TMEM9: variants seen among roughly 807,000 people sequenced by gnomAD.
TMEM9 encodes transmembrane protein 9.
Under a neutral mutation model 22.8 loss-of-function variants are expected in TMEM9, and 13 were observed. The ratio of observed to expected loss-of-function variants is 0.57; its 90% CI spans 0.37 to 0.91. The LOEUF is 0.91. Among genes scored for constraint, TMEM9 ranks in the 40% least tolerant of loss-of-function variants. The pLI is 0.01. For missense variants in TMEM9, 182 were observed against 238.1 expected (o/e 0.76, Z 1.55); for synonymous variants, 88 against 93.0 (o/e 0.95, Z 0.31).
chr1:201,137,645 G>A (rs1474379285), intron 4 of TMEM9, among the ~76,000 whole-genome samples: 3 of 152,138 alleles, frequency 2.0e-5, no homozygotes, highest in Non-Finnish European at 2.9e-5. Flanking sequence ...CTAATGGCTT[G>A]CTTGAAATAC....
intron 1 of TMEM9, among the ~76,000 whole-genome samples, chr1:201,171,290 C>A (rs1157117221): frequency 6.6e-6 from 1 of 152,154 alleles, no homozygotes; most frequent in Non-Finnish European, 1.5e-5. Flanking sequence ...TCGTGGAAAG[C>A]CCGCTGGGAC....
At chr1:201,155,737 G>A (rs1665772531), upstream of TMEM9, among the ~76,000 whole-genome samples, 1 of 152,138 alleles carries the variant, frequency 6.6e-6, no homozygotes, top group Non-Finnish European at 1.5e-5. Context: ...TTAGGACACC[G>A]CCTTTGGATC....
upstream of TMEM9, among the ~76,000 whole-genome samples, chr1:201,159,214 G>A (rs1041714193): frequency 4.6e-5 from 7 of 152,312 alleles, no homozygotes; most frequent in East Asian, 1.9e-4. Flanking sequence ...ACAAAGGAGC[G>A]CTTGACCCAC....
At chr1:201,169,516 G>A (rs1308340819) in intron 1 of TMEM9, among the ~76,000 whole-genome samples, 1 of 152,102 alleles carries the variant, frequency 6.6e-6, no homozygotes, top group African/African-American at 2.4e-5. Context: ...TGGCCAGTAT[G>A]GTGTATGGTA....
At chr1:201,135,941 T>C in intron 4 of TMEM9, 126 bp from the exon 5 acceptor site, 2 of 963,708 alleles carry the variant, frequency 2.1e-6, no homozygotes. Context: ...AGGCTGGGCC[T>C]CCCCAAGTGC....
At chr1:201,156,817 A>G (rs56284103), upstream of TMEM9, among the ~76,000 whole-genome samples, 5,232 of 152,312 alleles carry the variant, frequency 0.034, 180 homozygotes, top group African/African-American at 0.079. Context: ...CTGTGAGCCA[A>G]ACTCCAGGGC....
chr1:201,149,925 C>T (rs1372252827), intron 2 of TMEM9, among the ~76,000 whole-genome samples: 1 of 152,216 alleles, frequency 6.6e-6, no homozygotes, highest in Non-Finnish European at 1.5e-5. Flanking sequence ...CCTCAGTTTA[C>T]ACCCACCACC....
intron 4 of TMEM9, among the ~76,000 whole-genome samples, chr1:201,139,769 T>C (rs1316700342): frequency 6.6e-6 from 1 of 152,238 alleles, no homozygotes; most frequent in Non-Finnish European, 1.5e-5. Flanking sequence ...AAAGCTTCCA[T>C]ACACACGATC....
intron 4 of TMEM9, among the ~76,000 whole-genome samples, chr1:201,139,055 C>A (rs1664266646): frequency 6.6e-6 from 1 of 152,220 alleles, no homozygotes; most frequent in Admixed American, 6.5e-5. Context: ...TGTGGATAAG[C>A]CCCAGCTGAT....
Position 201,151,817 on chromosome 1 carries a change from T to C in TMEM9, c.102A>G (p.Pro34=). The change falls in exon 2 of 5, where the codon CCA becomes CCG. Residue 34 remains proline, a synonymous_variant. Coordinates refer to ENST00000367330, the MANE Select transcript of TMEM9 (RefSeq NM_001288565.2). ...TGTGCCCACTGATGTTTCTATAAGGTGGACAGATGCATTTGCACCGGATAT... is the reference window on the plus strand; with the variant it reads ...TGTGCCCACTGATGTTTCTATAAGGCGGACAGATGCATTTGCACCGGATAT... ...SEDIRCKCIC[P]PYRNISGHIY... 1.2e-6 allele frequency: 2 copies of C among 1,613,876 alleles called. No individual in the cohort carries two copies. Among genetic ancestry groups the C allele is most frequent in the Non-Finnish European group, 1.7e-6 (2 of 1,180,026 alleles).
At position 201,151,838 on chromosome 1, in the gene TMEM9, G is replaced by C; in HGVS notation, c.81C>G (p.Ile27Met). ...AAGGTGGACAGATGCATTTGCACCG[G>C]ATATCTTCAGAACTCTGGAAAAGAA... The part of the protein sequence containing the change: ...PAEANKSSED[I>M]RCKCICPPYR... The change falls in exon 2 of 5, where the codon ATC (isoleucine) becomes ATG (methionine). Residue 27 changes from isoleucine to methionine, a missense_variant. Transcript: ENST00000367330. The C allele has an allele frequency of 6.2e-7, 1 of 1,613,388 alleles. No individual in the cohort carries two copies. The highest frequency in any genetic ancestry group is 1.1e-5 in the South Asian group (1 of 91,058).
At chr1:201,141,817 T>C (rs962742076) in intron 4 of TMEM9, among the ~76,000 whole-genome samples, 9 of 152,110 alleles carry the variant, frequency 5.9e-5, no homozygotes, top group Non-Finnish European at 1.0e-4. Context: ...AAGAGAGACC[T>C]GGGTTCATAC....
Position 201,170,778 on chromosome 1 carries a change from G to C in TMEM9, c.-37+712C>G, listed in dbSNP as rs1290110388. Among the ~76,000 whole-genome samples, 4 of 152,212 alleles carry C rather than the reference G, an allele frequency of 2.6e-5. No individual in the cohort carries two copies. The South Asian group carries it at 6.2e-4, about 24-fold the overall frequency. ...CCAAAGAGGGATTCCTTTCAGGCCC[G>C]GGCCTCGCAGTCCAAACGTGGCCCG... On this transcript the variant is annotated intron_variant, in intron 1 of 5. Coordinates refer to the TMEM9 transcript ENST00000367333.
At chr1:201,162,227 C>T (rs1241382526) in intron 1 of TMEM9, among the ~76,000 whole-genome samples, 1 of 151,016 alleles carries the variant, frequency 6.6e-6, no homozygotes, top group African/African-American at 2.4e-5. Flanking sequence ...ACAATCATGG[C>T]TCACTGCAGC....
At chr1:201,166,019 A>G (rs957709064) in intron 1 of TMEM9, among the ~76,000 whole-genome samples, 8 of 152,200 alleles carry the variant, frequency 5.3e-5, no homozygotes, top group Admixed American at 2.6e-4. Flanking sequence ...CCTTCAGCTG[A>G]TAGAAAAATG....
intron 4 of TMEM9, among the ~76,000 whole-genome samples, chr1:201,140,249 C>T (rs10920128): frequency 0.38 from 57,436 of 152,166 alleles, 11,753 homozygotes; most frequent in African/African-American, 0.52. Context: ...GAAGACCTCT[C>T]CAGAGCTTGG....
chr1:201,154,220 G>C lies in TMEM9; in HGVS notation c.-297C>G. The C allele has an allele frequency of 3.1e-6, 1 of 317,778 alleles. No homozygotes were observed. The highest frequency in any genetic ancestry group is 5.9e-6 in the Non-Finnish European group (1 of 170,336). The allele number at this position is 317,778 out of a possible 1,614,324, so 19.7% of individuals were successfully genotyped here. On this transcript the variant is annotated 5_prime_UTR_variant, in exon 1 of 5. Transcript: ENST00000367330. The stretch of plus-strand genomic sequence containing the variant: ...GCCTCCAGTTCCTTCTCAAGGCCCG[G>C]CTCTGACCCGCGCATCACGTCCCAC...
intron 2 of TMEM9, among the ~76,000 whole-genome samples, chr1:201,150,435 A>T (rs1665329074): frequency 6.6e-6 from 1 of 152,226 alleles, no homozygotes; most frequent in Non-Finnish European, 1.5e-5. Flanking sequence ...TGCTATAGTT[A>T]CTGACCTGTG....
At chr1:201,163,772 C>T (rs1241452888) in intron 1 of TMEM9, among the ~76,000 whole-genome samples, 1 of 151,888 alleles carries the variant, frequency 6.6e-6, no homozygotes, top group Non-Finnish European at 1.5e-5. Flanking sequence ...TCATACATTG[C>T]TGGTGGGGAT....
Sources: gnomAD v4.1 joint callset for allele counts (sites outside exome capture counted in the v4.1 genomes callset) on GRCh38, gnomAD v4.1.1 for gene constraint, MANE v1.5 for transcripts, NCBI Gene and HGNC (gene_info 2026-07-23, HGNC 2026-07-21) for gene names.